TESK2: variants seen among roughly 807,000 people sequenced by gnomAD.
The protein encoded by TESK2 is dual specificity testis-specific protein kinase 2.
TESK2 carries 39 observed loss-of-function variants against 57.1 expected under a neutral mutation model. The ratio of observed to expected loss-of-function variants is 0.68; its 90% CI spans 0.53 to 0.89. The LOEUF is 0.89. TESK2 is among the 40% of genes least tolerant of loss of function. The pLI is 0.00. For missense variants in TESK2, 646 were observed against 732.1 expected, an observed-to-expected ratio of 0.88 and a Z score of 1.36; for synonymous variants, 249 against 267.9, an observed-to-expected ratio of 0.93 and a Z score of 0.69.
intron 2 of TESK2, among the ~76,000 whole-genome samples, chr1:45,444,115 G>T (rs1651557185): frequency 5.3e-5 from 8 of 149,676 alleles, no homozygotes; most frequent in Admixed American, 4.7e-4. Context: ...GGAGTTCAAA[G>T]TTACAGTGAG....
chr1:45,482,893 T>C (rs370639891), intron 1 of TESK2, among the ~76,000 whole-genome samples: 3 of 150,278 alleles, frequency 2.0e-5, no homozygotes, highest in Admixed American at 1.3e-4. Flanking sequence ...GGCAGGAGAA[T>C]TGCTTGAACC....
chr1:45,402,666 G>A (rs1328097810), intron 3 of TESK2, among the ~76,000 whole-genome samples: 7 of 151,884 alleles, frequency 4.6e-5, no homozygotes, highest in Non-Finnish European at 7.4e-5. Context: ...ATTTTTAGTA[G>A]AGATGGGGTT....
At chr1:45,373,091 A>C (rs1406430498) in intron 4 of TESK2, among the ~76,000 whole-genome samples, 1 of 151,958 alleles carries the variant, frequency 6.6e-6, no homozygotes, top group Non-Finnish European at 1.5e-5. Context: ...CAACGTGATA[A>C]TACTTAATAC....
chr1:45,469,817 C>T (rs1465397287), intron 1 of TESK2, among the ~76,000 whole-genome samples: 1 of 152,170 alleles, frequency 6.6e-6, no homozygotes, highest in Non-Finnish European at 1.5e-5. Context: ...TCTCTATTTT[C>T]CATTCTAATG....
At chr1:45,488,926 C>T (rs547271990) in intron 1 of TESK2, among the ~76,000 whole-genome samples, 160 of 152,176 alleles carry the variant, frequency 1.1e-3, no homozygotes, top group Non-Finnish European at 1.9e-3. Flanking sequence ...CTTTGGGAGG[C>T]CGGGGAAGGC....
At chr1:45,396,428 T>A (rs574746633) in intron 3 of TESK2, among the ~76,000 whole-genome samples, 2 of 152,106 alleles carry the variant, frequency 1.3e-5, no homozygotes, top group South Asian at 2.1e-4. Context: ...CAACTCAAAA[T>A]TTTTTGAGTA....
chr1:45,436,178 C>CTTTTTTTTTTTTTT (rs1557573084), intron 2 of TESK2, among the ~76,000 whole-genome samples: 11 of 12,994 alleles, frequency 8.5e-4, no homozygotes, highest in Non-Finnish European at 1.4e-3. Flanking sequence ...ACATTGGTAT[C>CTTTTTTTTTTTTTT]TTCTTTTTTT....
At chr1:45,404,397 T>C (rs1649749301) in intron 3 of TESK2, among the ~76,000 whole-genome samples, 1 of 152,114 alleles carries the variant, frequency 6.6e-6, no homozygotes, top group Non-Finnish European at 1.5e-5. Context: ...AATGTGATGT[T>C]CCCTTCTTCA....
At chr1:45,352,796 C>T (rs533022350) in intron 5 of TESK2, among the ~76,000 whole-genome samples, 45 of 152,026 alleles carry the variant, frequency 3.0e-4, no homozygotes, top group Non-Finnish European at 3.8e-4. Flanking sequence ...CAAACTCCTT[C>T]TATCTTAGAA....
intron 4 of TESK2, among the ~76,000 whole-genome samples, chr1:45,370,823 C>T (rs544290138): frequency 4.1e-4 from 63 of 152,106 alleles, no homozygotes; most frequent in Non-Finnish European, 8.2e-4. Context: ...TAGAGATAAG[C>T]AGTAGCAAGA....
chr1:45,447,542 T>G (rs1486172624), intron 2 of TESK2, among the ~76,000 whole-genome samples: 1 of 151,586 alleles, frequency 6.6e-6, no homozygotes, highest in Admixed American at 6.6e-5. Context: ...CTGGAATATC[T>G]CCTAAAGGGC....
intron 1 of TESK2, among the ~76,000 whole-genome samples, chr1:45,459,131 C>T (rs983483742): frequency 6.6e-6 from 1 of 152,190 alleles, no homozygotes; most frequent in South Asian, 2.1e-4. Context: ...GTGTGTACAA[C>T]CACAGTTTCT....
intron 1 of TESK2, among the ~76,000 whole-genome samples, chr1:45,485,372 A>G (rs1019174505): frequency 3.3e-5 from 5 of 151,868 alleles, no homozygotes; most frequent in African/African-American, 1.2e-4. Context: ...TATTTTTAGT[A>G]GAGACGGGGT....
intron 2 of TESK2, among the ~76,000 whole-genome samples, chr1:45,436,572 C>G (rs1011847913): frequency 6.8e-6 from 1 of 146,258 alleles, no homozygotes; most frequent in African/African-American, 2.5e-5. Flanking sequence ...TCACCGCAAC[C>G]TCCACCTTCC....
chr1:45,483,815 T>C (rs1252178451), intron 1 of TESK2, among the ~76,000 whole-genome samples: 5 of 148,424 alleles, frequency 3.4e-5, no homozygotes, highest in South Asian at 2.1e-4. Flanking sequence ...CTAGGCAACA[T>C]AGGGAGGCCC....
chr1:45,479,647 G>C (rs992883671), intron 1 of TESK2, among the ~76,000 whole-genome samples: 2 of 151,614 alleles, frequency 1.3e-5, no homozygotes, highest in Non-Finnish European at 2.9e-5. Flanking sequence ...AGAGAGAATA[G>C]CCTCCACACT....
chr1:45,471,720 T>C (rs1249590400), intron 1 of TESK2, among the ~76,000 whole-genome samples: 1 of 152,034 alleles, frequency 6.6e-6, no homozygotes, highest in Non-Finnish European at 1.5e-5. Context: ...TAATTGTTAA[T>C]GACAGATAAG....
chr1:45,397,031 C>A (rs145427440), intron 3 of TESK2, among the ~76,000 whole-genome samples: 1 of 151,678 alleles, frequency 6.6e-6, no homozygotes, highest in Non-Finnish European at 1.5e-5. Context: ...GTTGGCCAGG[C>A]GGGTCTCAAA....
In TESK2 at chr1:45,355,597, A is replaced by G. The variant is rs1647387140; in HGVS notation, c.394-148T>C. 3 of 796,214 alleles carry G rather than the reference A, an allele frequency of 3.8e-6. No individual in the cohort carries two copies. In the African/African-American group the frequency reaches 5.2e-5, roughly 14 times the overall value. 49.3% of individuals were successfully genotyped at this position (796,214 alleles called of 1,614,324 possible). The stretch of plus-strand genomic sequence containing the variant: ...TTATTCTGCCTCCAAGCACTATGGT[A>G]GGTGCTGCACACAATGACACTTTCC... On this transcript the variant is annotated intron_variant, in intron 4 of 10. Coordinates refer to ENST00000372086, the MANE Select transcript of TESK2 (RefSeq NM_007170.3).
Sources: allele counts gnomAD v4.1 joint callset (sites outside exome capture counted in the v4.1 genomes callset), GRCh38; gene constraint gnomAD v4.1.1; transcripts MANE v1.5; gene names NCBI Gene and HGNC (gene_info 2026-07-23, HGNC 2026-07-21).